Variants in HDX observed in about 807,000 individuals in gnomAD.
HDX encodes chromosome X open reading frame 43.
A neutral mutation model predicts 45.2 loss-of-function variants in HDX; 19 were observed. That is an observed-to-expected ratio of 0.42 (90% CI 0.29 to 0.62). The LOEUF (loss-of-function observed/expected upper bound fraction) is 0.62, where lower values mean the gene tolerates loss of function less well. Ranked by LOEUF, HDX falls within the 20% of genes least tolerant of loss-of-function variation. The pLI is 0.20. For synonymous variants in HDX, 188 were observed against 172.8 expected, an observed-to-expected ratio of 1.09 and a Z score of -0.69; for missense variants, 532 against 493.9, an observed-to-expected ratio of 1.08 and a Z score of -0.73.
At chrX:84,421,788 G>T (rs1001543787) in intron 5 of HDX, among the ~76,000 whole-genome samples, 2 of 111,044 alleles carry the variant, frequency 1.8e-5, no homozygotes, top group Admixed American at 1.9e-4. Flanking sequence ...AGACAAAATA[G>T]ATATCAAGAC....
chrX:84,381,889 A>G (rs750394169), intron 5 of HDX, among the ~76,000 whole-genome samples: 1 of 111,294 alleles, frequency 9.0e-6, no homozygotes, highest in East Asian at 2.8e-4. Context: ...CTGCACGACA[A>G]AGAAAACAAC....
At chrX:84,322,900 G>T (rs2036626465) in intron 10 of HDX, among the ~76,000 whole-genome samples, 2 of 111,076 alleles carry the variant, frequency 1.8e-5, no homozygotes, top group African/African-American at 6.5e-5. Context: ...AGTATTACTT[G>T]TAATGTGGGC....
chrX:84,497,090 G>A (rs1461746592), intron 1 of HDX, among the ~76,000 whole-genome samples: 3 of 111,890 alleles, frequency 2.7e-5, no homozygotes, highest in African/African-American at 6.5e-5. Flanking sequence ...CATGTAAGAC[G>A]TGCCTTGCAT....
At position 84,326,234 on chromosome X, in the gene HDX, T is replaced by A; in HGVS notation, c.1891A>T (p.Thr631Ser). 8.3e-7 allele frequency: 1 copy of A among 1,198,847 alleles called. No individual in the cohort carries two copies. Among genetic ancestry groups the A allele is most frequent in the East Asian group, 3.0e-5 (1 of 33,730 alleles). Reference sequence around the variant, plus strand: ...GCTAATATCAAGCTTCTAACAAAAGTCTGAAGTTTAAAGTATTTTTGCTTT... The same window carrying A: ...GCTAATATCAAGCTTCTAACAAAAGACTGAAGTTTAAAGTATTTTTGCTTT... Reference protein sequence around the residue: ...IQKQKYFKLQTFVRSLILAMK... With the variant: ...IQKQKYFKLQSFVRSLILAMK... The change falls in exon 10 of 11, where the codon ACT becomes TCT. Residue 631 changes from threonine to serine, a missense_variant. Coordinates refer to ENST00000373177, the MANE Select transcript of HDX (RefSeq NM_001177479.2).
At chrX:84,474,932 G>A (rs1466895293) in intron 3 of HDX, among the ~76,000 whole-genome samples, 1 of 111,229 alleles carries the variant, frequency 9.0e-6, no homozygotes, top group Non-Finnish European at 1.9e-5. Flanking sequence ...ATTATTTTTG[G>A]GGATTACATC....
At chrX:84,346,116 A>C (rs1295435587) in intron 6 of HDX, among the ~76,000 whole-genome samples, 1 of 111,377 alleles carries the variant, frequency 9.0e-6, no homozygotes, top group African/African-American at 3.3e-5. Context: ...GCTCAAAAAA[A>C]GGATATTAAT....
intron 4 of HDX, among the ~76,000 whole-genome samples, chrX:84,459,584 A>G (rs1291387149): frequency 4.5e-5 from 5 of 111,869 alleles, no homozygotes; most frequent in African/African-American, 1.6e-4. Flanking sequence ...AAGTGCCTAC[A>G]TTCAAAAAGT....
intron 9 of HDX, among the ~76,000 whole-genome samples, chrX:84,328,115 G>C (rs1350513023): frequency 1.8e-5 from 2 of 111,178 alleles, no homozygotes; most frequent in Non-Finnish European, 3.8e-5. Flanking sequence ...ATTGTGCCTA[G>C]CCTCAAGAAA....
At chrX:84,417,137 G>A (rs958352567) in intron 5 of HDX, among the ~76,000 whole-genome samples, 3 of 106,079 alleles carry the variant, frequency 2.8e-5, no homozygotes, top group Non-Finnish European at 5.8e-5. Flanking sequence ...CTGAGTGACA[G>A]AGCGAGACTC....
At chrX:84,368,604 G>T (rs190680024) in intron 5 of HDX, among the ~76,000 whole-genome samples, 5 of 111,788 alleles carry the variant, frequency 4.5e-5, no homozygotes, top group Admixed American at 1.9e-4. Flanking sequence ...CATAACATTT[G>T]CCATTATAAA....
intron 5 of HDX, among the ~76,000 whole-genome samples, chrX:84,367,084 T>G (rs2037775891): frequency 1.8e-5 from 2 of 111,842 alleles, no homozygotes; most frequent in Non-Finnish European, 3.8e-5. Flanking sequence ...GGGAGAACAT[T>G]TTTGCAATCT....
intron 2 of HDX, among the ~76,000 whole-genome samples, chrX:84,484,149 C>T (rs138271984): frequency 1.0e-3 from 112 of 112,131 alleles, no homozygotes; most frequent in African/African-American, 3.5e-3. Context: ...CCAAACTGTT[C>T]CAACCTCTTC....
chrX:84,457,196 C>CA (rs1422294839), intron 4 of HDX, among the ~76,000 whole-genome samples: 1 of 111,439 alleles, frequency 9.0e-6, no homozygotes, highest in African/African-American at 3.3e-5. Context: ...GAAGTACACA[C>CA]AAAGTATTTA....
At chrX:84,390,856 A>G in intron 5 of HDX, among the ~76,000 whole-genome samples, 1 of 111,993 alleles carries the variant, frequency 8.9e-6, no homozygotes, top group South Asian at 3.7e-4. Context: ...TATTTTGCAT[A>G]CTTATGGGGT....
chrX:84,345,190 C>A (rs1488367786), intron 6 of HDX, among the ~76,000 whole-genome samples: 1 of 111,342 alleles, frequency 9.0e-6, no homozygotes, highest in Non-Finnish European at 1.9e-5. Flanking sequence ...TTATTCTTCA[C>A]TCCGTCTTCT....
intron 3 of HDX, 88 bp downstream of exon 3, chrX:84,475,163 T>C: frequency 2.5e-6 from 2 of 792,497 alleles, no homozygotes; most frequent in East Asian, 6.5e-5. Context: ...AATTAGTGAC[T>C]TCATACCCTG....
At chrX:84,497,799 T>C (rs541249804) in intron 1 of HDX, among the ~76,000 whole-genome samples, 2 of 110,510 alleles carry the variant, frequency 1.8e-5, no homozygotes, top group East Asian at 5.7e-4. Context: ...TCACTGTAGC[T>C]CCTTAACTTA....
chrX:84,409,331 G>T (rs368057964), intron 5 of HDX, among the ~76,000 whole-genome samples: 14 of 110,873 alleles, frequency 1.3e-4, no homozygotes, highest in East Asian at 5.7e-4. Flanking sequence ...CTCAGGGATC[G>T]AGAACTAGAA....
chrX:84,340,986 G>A (rs1271355753), intron 7 of HDX, among the ~76,000 whole-genome samples: 3 of 111,504 alleles, frequency 2.7e-5, no homozygotes, highest in Non-Finnish European at 3.8e-5. Flanking sequence ...CCATTAAGTG[G>A]TCTTTAAAAT....
Sources: gnomAD v4.1 joint callset for allele counts (sites outside exome capture counted in the v4.1 genomes callset) on GRCh38, gnomAD v4.1.1 for gene constraint, MANE v1.5 for transcripts, NCBI Gene and HGNC (gene_info 2026-07-23, HGNC 2026-07-21) for gene names.